The following SASS6 variants were observed in gnomAD, a reference collection of about 807,000 sequenced individuals.
SASS6 encodes the protein SAS-6 centriolar assembly protein.
In SASS6, 59 loss-of-function variants were observed where a neutral mutation model predicts 94.9. The ratio of observed to expected loss-of-function variants is 0.62; its 90% CI spans 0.50 to 0.77. The LOEUF is 0.77. Ranked by LOEUF, SASS6 falls within the 30% of genes least tolerant of loss-of-function variation. The probability of loss-of-function intolerance (pLI) is 0.00; values close to 1 mark genes in which losing one functional copy is unlikely to be tolerated. For synonymous variants in SASS6, 264 were observed against 270.0 expected, an observed-to-expected ratio of 0.98 and a Z score of 0.22; for missense variants, 698 against 734.1, an observed-to-expected ratio of 0.95 and a Z score of 0.57.
chr1:100,127,342 G>A (rs1231237527), intron 1 of SASS6, among the ~76,000 whole-genome samples: 1 of 152,116 alleles, frequency 6.6e-6, no homozygotes, highest in Non-Finnish European at 1.5e-5. Flanking sequence ...CAAGTAAAAA[G>A]TATAAACAGC....
rs1420174664 is a variant in SASS6, at chr1:100,084,269, CAT to C, written c.*1057_*1058del. ...AGTTGAAAATAATTTTAAATTATCACATGAGCATTAGTACTTTATAAAAATTG... is the reference window on the plus strand; with the variant it reads ...AGTTGAAAATAATTTTAAATTATCACGAGCATTAGTACTTTATAAAAATTG... On this transcript the variant is annotated 3_prime_UTR_variant, in exon 17 of 17. Transcript: ENST00000287482. 3 of 151,924 alleles carry C rather than the reference CAT, an allele frequency of 2.0e-5. No individual in the cohort carries two copies. Among genetic ancestry groups the C allele is most frequent in the Non-Finnish European group, 4.4e-5 (3 of 67,924 alleles). 9.4% of individuals were successfully genotyped at this position (151,924 alleles called of 1,614,324 possible). A position where few individuals can be genotyped will look rare whatever the true frequency, so the allele number is the denominator to read the frequency against.
At chr1:100,119,230 G>C in intron 6 of SASS6, 93 bp from the exon 7 acceptor site, 1 of 662,472 alleles carries the variant, frequency 1.5e-6, no homozygotes, top group Non-Finnish European at 2.2e-6. Context: ...GGATATTAAA[G>C]AAAACAAAAT....
intron 13 of SASS6, among the ~76,000 whole-genome samples, chr1:100,104,721 C>T (rs1189749898): frequency 6.6e-6 from 1 of 151,958 alleles, no homozygotes; most frequent in Non-Finnish European, 1.5e-5. Flanking sequence ...CTCAGCCTCC[C>T]ACCCAAAGTG....
At chr1:100,130,418 C>T (rs888697050) in intron 1 of SASS6, among the ~76,000 whole-genome samples, 96 of 152,274 alleles carry the variant, frequency 6.3e-4, no homozygotes, top group African/African-American at 2.0e-3. Context: ...TGGTGGCTCA[C>T]GCCTATAATC....
intron 14 of SASS6, among the ~76,000 whole-genome samples, chr1:100,094,324 G>A (rs547038459): frequency 5.9e-5 from 9 of 151,994 alleles, no homozygotes; most frequent in Non-Finnish European, 1.2e-4. Context: ...AAAAGCCTCC[G>A]GCAAAAAAAT....
intron 14 of SASS6, among the ~76,000 whole-genome samples, chr1:100,090,635 C>T (rs1557878823): frequency 6.6e-6 from 1 of 152,078 alleles, no homozygotes; most frequent in Non-Finnish European, 1.5e-5. Flanking sequence ...ACTGTGGCCT[C>T]ATTAACAGGG....
intron 7 of SASS6, among the ~76,000 whole-genome samples, chr1:100,112,006 CA>C: frequency 6.6e-6 from 1 of 151,850 alleles, no homozygotes; most frequent in Non-Finnish European, 1.5e-5. Flanking sequence ...TGAGAACTAG[CA>C]TTATAAAGTT....
At chr1:100,110,762 A>G (rs1300151026) in intron 7 of SASS6, among the ~76,000 whole-genome samples, 1 of 151,964 alleles carries the variant, frequency 6.6e-6, no homozygotes, top group Admixed American at 6.6e-5. Context: ...TAGGTGCAAC[A>G]GTCTTCAAGT....
At chr1:100,117,580 G>C (rs549969028) in intron 7 of SASS6, among the ~76,000 whole-genome samples, 2 of 151,832 alleles carry the variant, frequency 1.3e-5, no homozygotes, top group East Asian at 3.9e-4. Flanking sequence ...TTGAACCCAG[G>C]AGACAGAGGT....
At chr1:100,128,529 G>C (rs1027517348) in intron 1 of SASS6, among the ~76,000 whole-genome samples, 5 of 152,080 alleles carry the variant, frequency 3.3e-5, no homozygotes, top group African/African-American at 1.2e-4. Flanking sequence ...AAGAAAAAAC[G>C]GAAGGCCTGT....
At position 100,088,204 on chromosome 1, in the gene SASS6, AT is replaced by A; in HGVS notation, c.1706del (p.Asn569MetfsTer4). On this transcript the variant is annotated frameshift_variant, in exon 15 of 17. Coordinates refer to ENST00000287482, the MANE Select transcript of SASS6 (RefSeq NM_194292.3). LOFTEE classifies it high-confidence loss of function. ...CTGACTGAACATCTCCTAGTGATGC[AT>A]TTGGTTTTGTAAACTGCAAATTAAA... Reference protein sequence around the residue: ...VQFNLQFTKPNASLGDVQSGA... With the variant: ...VQFNLQFTKPXASLGDVQSGA... 6.2e-7 allele frequency: 1 copy of A among 1,605,382 alleles called. No homozygotes were observed. The highest frequency in any genetic ancestry group is 8.5e-7 in the Non-Finnish European group (1 of 1,172,314).
chr1:100,088,457 A>AT (rs1212015094), intron 14 of SASS6, among the ~76,000 whole-genome samples: 1 of 152,046 alleles, frequency 6.6e-6, no homozygotes, highest in Non-Finnish European at 1.5e-5. Context: ...AGTCTGGCTA[A>AT]TTTTTTATTT....
Position 100,085,584 on chromosome 1 carries a change from C to CT in SASS6, c.1818dup (p.Asp607ArgfsTer2), listed in dbSNP as rs1231923879. 6.2e-7 allele frequency: 1 copy of CT among 1,612,936 alleles called. No individual in the cohort carries two copies. The highest frequency in any genetic ancestry group is 8.5e-7 in the Non-Finnish European group (1 of 1,179,246). The stretch of plus-strand genomic sequence containing the variant: ...CTGAGTCCGCGTAAAGGAATGCTAT[C>CT]TTCCCTTTTCTTCAGGTATTTGGAT... On this transcript the variant is annotated frameshift_variant, in exon 16 of 17. Coordinates refer to ENST00000287482, the MANE Select transcript of SASS6 (RefSeq NM_194292.3). LOFTEE classifies it high-confidence loss of function.
intron 15 of SASS6, among the ~76,000 whole-genome samples, chr1:100,086,150 A>G (rs188800600): frequency 7.5e-5 from 11 of 146,996 alleles, no homozygotes; most frequent in African/African-American, 2.5e-4. Flanking sequence ...TCCCCTTTCT[A>G]CCACTGCCAT....
chr1:100,093,144 T>C (rs1445112001), intron 14 of SASS6, among the ~76,000 whole-genome samples: 1 of 148,956 alleles, frequency 6.7e-6, no homozygotes, highest in South Asian at 2.1e-4. Flanking sequence ...AAGAACATTA[T>C]CCCAACAAAA....
intron 4 of SASS6, among the ~76,000 whole-genome samples, chr1:100,122,026 C>T (rs557802521): frequency 3.3e-4 from 50 of 152,164 alleles, no homozygotes; most frequent in African/African-American, 1.2e-3. Context: ...CTGATAAAAC[C>T]AATAAATAAA....
intron 2 of SASS6, among the ~76,000 whole-genome samples, chr1:100,123,651 T>G (rs1219291370): frequency 6.6e-6 from 1 of 152,246 alleles, no homozygotes; most frequent in Non-Finnish European, 1.5e-5. Flanking sequence ...AATTTTATTT[T>G]TAGTTTCCTT....
chr1:100,106,526 G>A (rs1652917867), intron 12 of SASS6, among the ~76,000 whole-genome samples: 1 of 152,084 alleles, frequency 6.6e-6, no homozygotes, highest in African/African-American at 2.4e-5. Flanking sequence ...CTACTTTTAT[G>A]AATTCGAATA....
chr1:100,100,724 T>C (rs1011150399), intron 14 of SASS6, among the ~76,000 whole-genome samples: 1 of 152,194 alleles, frequency 6.6e-6, no homozygotes, highest in Non-Finnish European at 1.5e-5. Context: ...AGATCACAGG[T>C]TCAACGTCAA....
Sources: gnomAD v4.1 joint callset for allele counts (sites outside exome capture counted in the v4.1 genomes callset) on GRCh38, gnomAD v4.1.1 for gene constraint, MANE v1.5 for transcripts, NCBI Gene and HGNC (gene_info 2026-07-23, HGNC 2026-07-21) for gene names.